Variants in CDS2 observed in about 807,000 individuals in gnomAD.
CDS2 encodes the protein phosphatidate cytidylyltransferase 2.
CDS2 carries 47 observed loss-of-function variants against 59.0 expected under a neutral mutation model. The observed-to-expected ratio is 0.80, with a 90% confidence interval of 0.63 to 1.02. CDS2 has a LOEUF of 1.02. Ranked by LOEUF, CDS2 falls within the 50% of genes least tolerant of loss-of-function variation. The pLI, the probability that CDS2 is intolerant of heterozygous loss-of-function variation, is 0.00. For missense variants in CDS2, 356 were observed against 558.9 expected (o/e 0.64, Z 3.66); for synonymous variants, 207 against 206.4 (o/e 1.00, Z -0.02).
At chr20:5,165,660 C>T (rs778023982) in intron 1 of CDS2, among the ~76,000 whole-genome samples, 6 of 152,168 alleles carry the variant, frequency 3.9e-5, no homozygotes, top group Non-Finnish European at 7.3e-5. Flanking sequence ...GCGATCCTCC[C>T]ACTTTGGCCT....
chr20:5,171,698 C>T (rs1192738252), intron 1 of CDS2, among the ~76,000 whole-genome samples: 3 of 152,132 alleles, frequency 2.0e-5, no homozygotes, highest in Non-Finnish European at 4.4e-5. Flanking sequence ...TGGGACACAG[C>T]CCTGGGTGAG....
intron 2 of CDS2, among the ~76,000 whole-genome samples, chr20:5,174,285 G>T (rs1211704434): frequency 6.6e-6 from 1 of 152,170 alleles, no homozygotes; most frequent in African/African-American, 2.4e-5. Context: ...TCTGAATTGT[G>T]CAGTGGTTAA....
rs1303892208 is a variant in CDS2, at chr20:5,195,233, G to C, written c.*4999G>C. 6.6e-6 allele frequency: 1 copy of C among 152,318 alleles called. No individual in the cohort carries two copies. The highest frequency in any genetic ancestry group is 1.9e-4 in the East Asian group (1 of 5,180). The allele number at this position is 152,318 out of a possible 1,614,324, so 9.4% of individuals were successfully genotyped here. A position where few individuals can be genotyped will look rare whatever the true frequency, so the allele number is the denominator to read the frequency against. ...TTACTTTTGTTGAGCTCAGCTGGTA[G>C]TTTGACCTCCGTTGGTGCAATGCCA... On this transcript the variant is annotated 3_prime_UTR_variant, in exon 13 of 13. Transcript: ENST00000460006.
intron 1 of CDS2, among the ~76,000 whole-genome samples, chr20:5,155,175 C>A (rs983526475): frequency 6.6e-6 from 1 of 152,214 alleles, no homozygotes; most frequent in East Asian, 1.9e-4. Context: ...GGCACTCCCC[C>A]ACCCCAAGTC....
intron 1 of CDS2, among the ~76,000 whole-genome samples, chr20:5,128,905 G>C (rs2122933542): frequency 6.6e-6 from 1 of 152,212 alleles, no homozygotes; most frequent in Admixed American, 6.5e-5. Flanking sequence ...AGCTAACTAT[G>C]TACAATAATT....
intron 7 of CDS2, 30 bp downstream of exon 7, chr20:5,183,173 T>C: frequency 6.3e-7 from 1 of 1,590,734 alleles, no homozygotes; most frequent in Non-Finnish European, 8.6e-7. Context: ...TTTTCCCTTT[T>C]ATTTTGTGAG....
At chr20:5,146,471 G>GT (rs2090744569) in intron 1 of CDS2, among the ~76,000 whole-genome samples, 1 of 152,208 alleles carries the variant, frequency 6.6e-6, no homozygotes, top group African/African-American at 2.4e-5. Flanking sequence ...GTTGAGTAGC[G>GT]TAAGGAGACG....
At chr20:5,147,377 T>C (rs1014048295) in intron 1 of CDS2, among the ~76,000 whole-genome samples, 1 of 152,068 alleles carries the variant, frequency 6.6e-6, no homozygotes, top group Admixed American at 6.6e-5. Context: ...GGGAACTGTT[T>C]TGTAGGTTTG....
intron 1 of CDS2, among the ~76,000 whole-genome samples, chr20:5,168,329 C>T (rs1295922039): frequency 1.3e-5 from 2 of 149,846 alleles, no homozygotes; most frequent in Non-Finnish European, 1.5e-5. Flanking sequence ...GCAGGAGAAT[C>T]GCTTGAACCC....
At chr20:5,137,409 A>G (rs550876730) in intron 1 of CDS2, among the ~76,000 whole-genome samples, 1 of 151,340 alleles carries the variant, frequency 6.6e-6, no homozygotes, top group Non-Finnish European at 1.5e-5. Context: ...ACACTTGGCT[A>G]ATTTTTGTAT....
Position 5,154,956 on chromosome 20 carries a change from C to G in CDS2, c.58-18567C>G, listed in dbSNP as rs190007553. Among the ~76,000 whole-genome samples, 142 of 152,352 alleles carry G rather than the reference C, an allele frequency of 9.3e-4. 1 individual carries two copies. Among genetic ancestry groups the G allele is most frequent in the African/African-American group, 3.2e-3 (135 of 41,588 alleles). Reference sequence around the variant, plus strand: ...AGCCGTTGCGCTCAGCTGATTTGTTCCGATTCTGCTTAGAGCATTTCCTGT... The same window carrying G: ...AGCCGTTGCGCTCAGCTGATTTGTTGCGATTCTGCTTAGAGCATTTCCTGT... On this transcript the variant is annotated intron_variant, in intron 1 of 12. Coordinates refer to ENST00000460006, the MANE Select transcript of CDS2 (RefSeq NM_003818.4).
intron 7 of CDS2, among the ~76,000 whole-genome samples, chr20:5,183,859 C>T (rs2091048352): frequency 6.6e-6 from 1 of 152,192 alleles, no homozygotes; most frequent in African/African-American, 2.4e-5. Flanking sequence ...GCTAGGTGAT[C>T]TTAGTGAAAA....
intron 1 of CDS2, among the ~76,000 whole-genome samples, chr20:5,166,422 G>A (rs2090914197): frequency 6.6e-6 from 1 of 152,078 alleles, no homozygotes; most frequent in African/African-American, 2.4e-5. Flanking sequence ...TGAGTTTTAG[G>A]TGTCTGTGGA....
chr20:5,129,391 C>G (rs2090583978), intron 1 of CDS2, among the ~76,000 whole-genome samples: 1 of 152,000 alleles, frequency 6.6e-6, no homozygotes, highest in Non-Finnish European at 1.5e-5. Context: ...AGTCTCCTGC[C>G]TCAGCCTCCT....
intron 1 of CDS2, among the ~76,000 whole-genome samples, chr20:5,131,521 C>T (rs1478270869): frequency 2.6e-5 from 4 of 152,174 alleles, no homozygotes; most frequent in Non-Finnish European, 5.9e-5. Context: ...GATTTTGTTT[C>T]GGAAGTTAGC....
intron 1 of CDS2, among the ~76,000 whole-genome samples, chr20:5,146,869 A>G (rs1451473068): frequency 6.6e-6 from 1 of 152,004 alleles, no homozygotes; most frequent in Non-Finnish European, 1.5e-5. Context: ...TCAGGTTTTG[A>G]CTCTCTTGCC....
At chr20:5,138,853 AT>A (rs1233745716) in intron 1 of CDS2, among the ~76,000 whole-genome samples, 1 of 152,020 alleles carries the variant, frequency 6.6e-6, no homozygotes, top group Admixed American at 6.6e-5. Flanking sequence ...TATGGTTAAA[AT>A]GACCGTACTA....
intron 1 of CDS2, among the ~76,000 whole-genome samples, chr20:5,164,494 TC>T (rs2090899615): frequency 6.6e-6 from 1 of 152,166 alleles, no homozygotes; most frequent in Admixed American, 6.5e-5. Context: ...TGGTTCTACT[TC>T]CTGACAGAGG....
intron 1 of CDS2, among the ~76,000 whole-genome samples, chr20:5,159,276 A>G (rs1006040111): frequency 2.0e-5 from 3 of 150,998 alleles, no homozygotes; most frequent in African/African-American, 7.3e-5. Flanking sequence ...TGCTGCACCC[A>G]TTAACTCGTC....
Sources: allele counts gnomAD v4.1 joint callset (sites outside exome capture counted in the v4.1 genomes callset), GRCh38; gene constraint gnomAD v4.1.1; transcripts MANE v1.5; gene names NCBI Gene and HGNC (gene_info 2026-07-23, HGNC 2026-07-21).